The following MS4A4E variants were observed in gnomAD, a reference collection of about 807,000 sequenced individuals.
MS4A4E encodes membrane spanning 4-domains A4E.
MS4A4E carries 23 observed loss-of-function variants against 13.3 expected under a neutral mutation model. That is an observed-to-expected ratio of 1.73 (90% CI 1.25 to 2.45). The LOEUF (loss-of-function observed/expected upper bound fraction) is 2.45, where lower values mean the gene tolerates loss of function less well. Ranked by LOEUF, MS4A4E falls within the 30% of genes most tolerant of loss-of-function variation. The pLI, the probability that MS4A4E is intolerant of heterozygous loss-of-function variation, is 0.00. For synonymous variants in MS4A4E, 36 were observed against 45.6 expected, an observed-to-expected ratio of 0.79 and a Z score of 0.85; for missense variants, 144 against 131.2, an observed-to-expected ratio of 1.10 and a Z score of -0.48.
chr11:60,223,120 A>G (rs956041543), intron 3 of MS4A4E, among the ~76,000 whole-genome samples: 2 of 152,182 alleles, frequency 1.3e-5, no homozygotes, highest in Admixed American at 6.5e-5. Context: ...TGGTAGAAGA[A>G]GGCTGTCATC....
At chr11:60,217,722 T>TA (rs1365290643) in intron 3 of MS4A4E, among the ~76,000 whole-genome samples, 1 of 152,202 alleles carries the variant, frequency 6.6e-6, no homozygotes, top group African/African-American at 2.4e-5. Flanking sequence ...CATGGACACT[T>TA]ATCACTTCCT....
chr11:60,232,919 G>T (rs907650893), intron 1 of MS4A4E, among the ~76,000 whole-genome samples: 2 of 152,034 alleles, frequency 1.3e-5, no homozygotes, highest in Non-Finnish European at 2.9e-5. Flanking sequence ...CATCTTAGTC[G>T]CTGGTGCACC....
intron 3 of MS4A4E, among the ~76,000 whole-genome samples, chr11:60,221,636 G>T (rs1565123758): frequency 6.6e-6 from 1 of 152,310 alleles, no homozygotes; most frequent in South Asian, 2.1e-4. Flanking sequence ...TGTGCACTTT[G>T]CTTGGAAGGA....
chr11:60,206,500 C>CACATATATATATATAT (rs369465441), intron 6 of MS4A4E, among the ~76,000 whole-genome samples: 23 of 103,800 alleles, frequency 2.2e-4, no homozygotes, highest in African/African-American at 1.0e-3. Context: ...TATATATATA[C>CACATATATATATATAT]GTATATATAT....
intron 3 of MS4A4E, among the ~76,000 whole-genome samples, chr11:60,218,267 G>A (rs1325413663): frequency 6.6e-6 from 1 of 152,138 alleles, no homozygotes; most frequent in East Asian, 1.9e-4. Flanking sequence ...CAATGACCAT[G>A]GTGCCTCAAA....
At chr11:60,239,282 G>A (rs1013910551) in intron 1 of MS4A4E, among the ~76,000 whole-genome samples, 3 of 152,146 alleles carry the variant, frequency 2.0e-5, no homozygotes, top group Admixed American at 6.5e-5. Context: ...AATAGCACAG[G>A]TAAACATTTA....
Position 60,213,112 on chromosome 11 carries a change from C to G in MS4A4E, c.243G>C (p.Lys81Asn), listed in dbSNP as rs1400039645. 1 of 610,814 alleles carries G rather than the reference C, an allele frequency of 1.6e-6. No individual in the cohort carries two copies. Among genetic ancestry groups the G allele is most frequent in the East Asian group, 2.9e-5 (1 of 34,354 alleles). 37.8% of individuals were successfully genotyped at this position (610,814 alleles called of 1,614,324 possible). ...TAGCCAAGACTGAACTGGTGATATTCTTTCCTAGACTACCTCCAACCTAGA... is the reference window on the plus strand; with the variant it reads ...TAGCCAAGACTGAACTGGTGATATTGTTTCCTAGACTACCTCCAACCTAGA... ...TKGLVGGSLG[K>N]NITSSVLAIS... The change falls in exon 5 of 9, where the codon AAG becomes AAC. Residue 81 changes from lysine to asparagine, a missense_variant. Around this residue, in one of 3 missense-constraint regions of MS4A4E, gnomAD observed 119 missense variants for 88.7 expected, o/e 1.34. Transcript: ENST00000651255.
intron 2 of MS4A4E, 74 bp downstream of exon 2, chr11:60,229,838 T>C: frequency 6.9e-7 from 1 of 1,442,230 alleles, no homozygotes; most frequent in Non-Finnish European, 9.4e-7. Flanking sequence ...CGGGACAGTG[T>C]ATTGGGCATT....
intron 3 of MS4A4E, among the ~76,000 whole-genome samples, chr11:60,219,245 T>C (rs763684118): frequency 2.6e-5 from 4 of 152,194 alleles, no homozygotes; most frequent in Non-Finnish European, 5.9e-5. Context: ...TGCCAGATCT[T>C]ACAGTAGAAA....
At chr11:60,224,721 G>T (rs1162269944) in intron 3 of MS4A4E, among the ~76,000 whole-genome samples, 3 of 152,096 alleles carry the variant, frequency 2.0e-5, no homozygotes, top group Non-Finnish European at 2.9e-5. Flanking sequence ...ATTCCAGTTT[G>T]GGTCTTTGGC....
Position 60,232,989 on chromosome 11 carries a change from T to C in MS4A4E, c.-16-2918A>G, listed in dbSNP as rs560426317. Among the ~76,000 whole-genome samples the C allele has an allele frequency of 5.3e-5, 8 of 152,178 alleles. No individual in the cohort carries two copies. The East Asian group carries it at 1.5e-3, about 29-fold the overall frequency. On this transcript the variant is annotated intron_variant, in intron 1 of 8. Coordinates refer to ENST00000651255, the MANE Select transcript of MS4A4E (RefSeq NM_001393391.1). Reference sequence around the variant, plus strand: ...ACTCTCTGGGCACCCATAGCTTTGATTGAGCTACGTCACCCCACCATCCAG... The same window carrying C: ...ACTCTCTGGGCACCCATAGCTTTGACTGAGCTACGTCACCCCACCATCCAG...
intron 1 of MS4A4E, among the ~76,000 whole-genome samples, chr11:60,234,782 C>T (rs902972000): frequency 6.7e-5 from 8 of 120,234 alleles, no homozygotes; most frequent in Non-Finnish European, 1.1e-4. Context: ...AAACAACCCC[C>T]CCCCCCAAAA....
chr11:60,220,587 A>T (rs2084257865), intron 3 of MS4A4E, among the ~76,000 whole-genome samples: 1 of 152,134 alleles, frequency 6.6e-6, no homozygotes, highest in African/African-American at 2.4e-5. Context: ...TACTGATGGG[A>T]TCCAGTGAGC....
In MS4A4E at chr11:60,200,747, C is replaced by A. The variant is rs906514094; in HGVS notation, c.*796G>T. 2.6e-5 allele frequency among the ~76,000 whole-genome samples: 4 copies of A among 152,278 alleles called. No homozygotes were observed. Among genetic ancestry groups the A allele is most frequent in the Admixed American group, 6.5e-5 (1 of 15,288 alleles). On this transcript the variant is annotated 3_prime_UTR_variant, in exon 9 of 9. Transcript: ENST00000651255. ...CTCAATCTTTTCCCCACCTTTCCCCCCTTTCTATTCCACAAAACCGCCATT... is the reference window on the plus strand; with the variant it reads ...CTCAATCTTTTCCCCACCTTTCCCCACTTTCTATTCCACAAAACCGCCATT...
intron 6 of MS4A4E, among the ~76,000 whole-genome samples, chr11:60,206,512 TACAC>T (rs10696106): frequency 1.0e-5 from 1 of 98,346 alleles, no homozygotes. Context: ...TATATATATA[TACAC>T]ACACACACAC....
intron 3 of MS4A4E, among the ~76,000 whole-genome samples, chr11:60,217,233 A>G (rs544226670): frequency 1.3e-5 from 2 of 152,252 alleles, no homozygotes; most frequent in African/African-American, 4.8e-5. Context: ...CTCAGACACA[A>G]GCTTTTATCA....
At chr11:60,233,222 AT>A (rs983157245) in intron 1 of MS4A4E, among the ~76,000 whole-genome samples, 3 of 151,954 alleles carry the variant, frequency 2.0e-5, no homozygotes, top group Non-Finnish European at 4.4e-5. Flanking sequence ...ATGCCCTACC[AT>A]CCCAGGGTCT....
intron 1 of MS4A4E, among the ~76,000 whole-genome samples, chr11:60,232,599 A>T (rs1397923104): frequency 6.6e-6 from 1 of 151,918 alleles, no homozygotes; most frequent in Non-Finnish European, 1.5e-5. Context: ...AGACACATAG[A>T]GTCTTTACAG....
intron 3 of MS4A4E, among the ~76,000 whole-genome samples, chr11:60,220,027 G>T (rs1158195994): frequency 6.6e-6 from 1 of 152,174 alleles, no homozygotes; most frequent in Non-Finnish European, 1.5e-5. Flanking sequence ...GACTCATAGA[G>T]TGAAGGCTAC....
Sources: allele counts gnomAD v4.1 joint callset (sites outside exome capture counted in the v4.1 genomes callset), GRCh38; gene constraint gnomAD v4.1.1; regional missense constraint gnomAD v4.1.1; transcripts MANE v1.5; gene names NCBI Gene and HGNC (gene_info 2026-07-23, HGNC 2026-07-21).